The following AOPEP variants were observed in gnomAD, a reference collection of about 807,000 sequenced individuals.
AOPEP encodes the protein aminopeptidase O.
In AOPEP, 77 loss-of-function variants were observed where a neutral mutation model predicts 98.1. That is an observed-to-expected ratio of 0.78 (90% CI 0.65 to 0.95). The LOEUF (loss-of-function observed/expected upper bound fraction) is 0.95. AOPEP is among the 40% of genes least tolerant of loss of function. The pLI is 0.00. For synonymous variants in AOPEP, 346 were observed against 365.3 expected (o/e 0.95, Z 0.60); for missense variants, 1,024 against 1,024.7 (o/e 1.00, Z 0.01).
At chr9:95,007,322 G>A (rs1220794547) in intron 13 of AOPEP, among the ~76,000 whole-genome samples, 1 of 150,046 alleles carries the variant, frequency 6.7e-6, no homozygotes, top group Non-Finnish European at 1.5e-5. Flanking sequence ...TAACCTAGAA[G>A]TAACCGTATT....
intron 5 of AOPEP, among the ~76,000 whole-genome samples, chr9:94,812,061 G>C (rs955936384): frequency 3.9e-5 from 6 of 152,116 alleles, no homozygotes; most frequent in African/African-American, 1.4e-4. Context: ...CTTGTCCAAG[G>C]AAGGAGACCT....
At chr9:95,053,496 C>T (rs991048890) in intron 13 of AOPEP, among the ~76,000 whole-genome samples, 4 of 152,134 alleles carry the variant, frequency 2.6e-5, no homozygotes, top group African/African-American at 9.7e-5. Flanking sequence ...GATTCATATA[C>T]TCAACCAACC....
chr9:95,126,252 G>A, the AOPEP span, among the ~76,000 whole-genome samples: 2 of 152,128 alleles, frequency 1.3e-5, no homozygotes, highest in South Asian at 4.1e-4. Flanking sequence ...AATATTTCAT[G>A]ATATTAATGC....
chr9:94,846,852 G>A (rs534732503), intron 5 of AOPEP, among the ~76,000 whole-genome samples: 2 of 152,330 alleles, frequency 1.3e-5, no homozygotes, highest in East Asian at 1.9e-4. Context: ...TGAGGCTGCA[G>A]TGAGCCAGGG....
chr9:94,823,979 A>G (rs1354080504), intron 5 of AOPEP, among the ~76,000 whole-genome samples: 14 of 152,164 alleles, frequency 9.2e-5, no homozygotes. Context: ...CTTTGCTACT[A>G]TTTATTAAAT....
intron 5 of AOPEP, among the ~76,000 whole-genome samples, chr9:94,841,278 T>A (rs1359337936): frequency 6.6e-6 from 1 of 151,540 alleles, no homozygotes; most frequent in Non-Finnish European, 1.5e-5. Context: ...TTCAAGTAAC[T>A]CTCCTGCCTC....
In AOPEP at chr9:94,924,599, A is replaced by G. The variant is rs74713686; in HGVS notation, c.1554+424A>G. Among the ~76,000 whole-genome samples, 1,024 of 152,214 alleles carry G rather than the reference A, an allele frequency of 6.7e-3. 10 individuals carry two copies. The highest frequency in any genetic ancestry group is 0.024 in the African/African-American group (976 of 41,530). ...TGTGCAGTGTATGTGTGTGTGTTTT[A>G]AATAAAGAGATTAAAACATAAATCC... On this transcript the variant is annotated intron_variant, in intron 6 of 16. Transcript: ENST00000375315.
chr9:95,131,092 C>T, the AOPEP span, among the ~76,000 whole-genome samples: 3 of 152,192 alleles, frequency 2.0e-5, no homozygotes, highest in Non-Finnish European at 4.4e-5. Context: ...GTTGTTTATA[C>T]ACAAACAATT....
chr9:95,066,154 T>A (rs1162143039), intron 14 of AOPEP, among the ~76,000 whole-genome samples: 1 of 152,232 alleles, frequency 6.6e-6, no homozygotes, highest in Non-Finnish European at 1.5e-5. Flanking sequence ...TCTTATTTGG[T>A]TTATGAAACA....
At chr9:94,749,235 G>A (rs1272892094) in intron 1 of AOPEP, among the ~76,000 whole-genome samples, 1 of 152,144 alleles carries the variant, frequency 6.6e-6, no homozygotes, top group East Asian at 1.9e-4. Flanking sequence ...CTTACTCAAA[G>A]TGTTCCAGCT....
At chr9:94,868,449 T>C (rs1004748583) in intron 5 of AOPEP, among the ~76,000 whole-genome samples, 2 of 152,228 alleles carry the variant, frequency 1.3e-5, no homozygotes, top group Non-Finnish European at 1.5e-5. Context: ...TCCCGTGCAT[T>C]GAGGGTCCAC....
intron 13 of AOPEP, among the ~76,000 whole-genome samples, chr9:95,036,862 C>T (rs2064878936): frequency 6.6e-6 from 1 of 152,274 alleles, no homozygotes; most frequent in African/African-American, 2.4e-5. Flanking sequence ...GTCAGTCTTC[C>T]AGCCTGGCCA....
At chr9:94,746,885 T>C (rs570388001) in intron 1 of AOPEP, among the ~76,000 whole-genome samples, 1 of 151,978 alleles carries the variant, frequency 6.6e-6, no homozygotes, top group Non-Finnish European at 1.5e-5. Flanking sequence ...TCCCCCCCAC[T>C]TGACTGGTTA....
At position 94,979,756 on chromosome 9, in the gene AOPEP, G is replaced by T. The variant is rs1019940554; in HGVS notation, c.1977+329G>T. On this transcript the variant is annotated intron_variant, in intron 11 of 16. Coordinates refer to ENST00000375315, the MANE Select transcript of AOPEP (RefSeq NM_001193329.3). ...TTCCATGCCCCGTGGGGCAGGTGGT[G>T]GGGGGGCAGGTGGCAGGGGAGCAGG... is the stretch of plus-strand genomic sequence containing the variant. Among the ~76,000 whole-genome samples, 6 of 129,334 alleles carry T rather than the reference G, an allele frequency of 4.6e-5. No homozygotes were observed. The East Asian group carries it at 9.6e-4, about 21-fold the overall frequency. The allele number at this position is 129,334 out of a possible 152,430, so 84.8% of individuals were successfully genotyped here. A position where few individuals can be genotyped will look rare whatever the true frequency, so the allele number is the denominator to read the frequency against.
intron 5 of AOPEP, among the ~76,000 whole-genome samples, chr9:94,851,286 C>A (rs544031258): frequency 6.6e-6 from 1 of 152,110 alleles, no homozygotes; most frequent in South Asian, 2.1e-4. Context: ...TGGAGTCCCA[C>A]GCCCGTTACC....
the AOPEP span, among the ~76,000 whole-genome samples, chr9:95,144,489 G>A: frequency 1.8e-3 from 278 of 152,346 alleles, 4 homozygotes; most frequent in East Asian, 0.032. Flanking sequence ...CACTGTGCTA[G>A]AGCAGGAGTA....
intron 13 of AOPEP, among the ~76,000 whole-genome samples, chr9:95,054,629 T>C (rs1414699138): frequency 6.6e-6 from 1 of 152,248 alleles, no homozygotes; most frequent in African/African-American, 2.4e-5. Context: ...GGTTCTGTGG[T>C]GCCACTTTTA....
At chr9:94,978,546 T>C (rs190864230) in intron 10 of AOPEP, among the ~76,000 whole-genome samples, 1 of 152,250 alleles carries the variant, frequency 6.6e-6, no homozygotes, top group East Asian at 1.9e-4. Flanking sequence ...ACAGATGTTA[T>C]GGCACTGGGG....
chr9:95,020,461 A>G (rs1231197409), intron 13 of AOPEP, among the ~76,000 whole-genome samples: 2 of 152,184 alleles, frequency 1.3e-5, no homozygotes, highest in South Asian at 2.1e-4. Context: ...CAAAGAGCAG[A>G]TAAGGATTCT....
Sources: allele counts gnomAD v4.1 joint callset (sites outside exome capture counted in the v4.1 genomes callset), GRCh38; gene constraint gnomAD v4.1.1; transcripts MANE v1.5; gene names NCBI Gene and HGNC (gene_info 2026-07-23, HGNC 2026-07-21).